Variants in TAT observed in about 807,000 individuals in gnomAD.
TAT encodes the protein tyrosine aminotransferase.
TAT carries 35 observed loss-of-function variants against 53.6 expected under a neutral mutation model. The ratio of observed to expected loss-of-function variants is 0.65; its 90% CI spans 0.50 to 0.87. The LOEUF is 0.87. Among genes scored for constraint, TAT ranks in the 40% least tolerant of loss-of-function variants. TAT has a pLI of 0.00. For missense variants in TAT, 525 were observed against 571.8 expected (o/e 0.92, Z 0.83); for synonymous variants, 197 against 206.5 (o/e 0.95, Z 0.39).
rs776182620 is a variant in TAT at position 71,567,907 on chromosome 16, T to C, written c.*237A>G. ...GAAATCTTACGAGAGGGAGGCAGAT[T>C]AATGAATTAGTGAGTCACTCTAGCA... On this transcript the variant is annotated 3_prime_UTR_variant, in exon 12 of 12. Transcript: ENST00000355962. 6.4e-5 allele frequency: 35 copies of C among 544,888 alleles called. No homozygotes were observed. Among genetic ancestry groups the C allele is most frequent in the Non-Finnish European group, 1.1e-4 (34 of 304,452 alleles). The allele number at this position is 544,888 out of a possible 1,614,324, so 33.8% of individuals were successfully genotyped here.
At chr16:71,571,799 G>C (rs1288119576) in intron 6 of TAT, 141 bp from the exon 7 acceptor site, 1 of 855,682 alleles carries the variant, frequency 1.2e-6, no homozygotes, top group Non-Finnish European at 1.9e-6. Context: ...CACAAGCAAA[G>C]TGTGATTTGC....
intron 3 of TAT, 71 bp downstream of exon 3, chr16:71,575,851 A>C: frequency 7.2e-7 from 1 of 1,384,970 alleles, no homozygotes; most frequent in South Asian, 1.2e-5. Context: ...GGATTGCTAG[A>C]CATTTAGTCC....
chr16:71,570,698 C>T lies in TAT; in HGVS notation c.893G>A (p.Arg298Lys), dbSNP rs1425542847. ...RLGWILIHDR[R>K]DIFGNEIRDG... ...TATCACCTCATTGCCAAAAATGTCTCTTCGGTCATGAATGAGGATCCAGCC... is the reference window on the plus strand; with the variant it reads ...TATCACCTCATTGCCAAAAATGTCTTTTCGGTCATGAATGAGGATCCAGCC... The change falls in exon 8 of 12, where the codon AGA (arginine) becomes AAA (lysine). Residue 298 changes from arginine (R) to lysine (K), a missense_variant. Transcript: ENST00000355962. 3 of 1,614,114 alleles carry T rather than the reference C, an allele frequency of 1.9e-6. No individual in the cohort carries two copies. Among genetic ancestry groups the T allele is most frequent in the Non-Finnish European group, 2.5e-6 (3 of 1,180,052 alleles).
At chr16:71,571,771 A>C (rs2044204837) in intron 6 of TAT, 113 bp from the exon 7 acceptor site, 11 of 1,077,856 alleles carry the variant, frequency 1.0e-5, no homozygotes, top group Non-Finnish European at 1.4e-5. Flanking sequence ...TACAATTCTT[A>C]AAGAGAAAGA....
chr16:71,575,703 C>A, intron 3 of TAT: 1 of 610,568 alleles, frequency 1.6e-6, no homozygotes, highest in Admixed American at 2.6e-5. Flanking sequence ...AGGGGAAGTG[C>A]CCATATGTCA....
rs2044235543 is a variant in TAT at position 71,576,386 on chromosome 16, G to T, written c.30C>A (p.Ser10Arg). MDPYMIQMSSKGNLPSILDV... is the reference protein window; with the variant it reads MDPYMIQMSRKGNLPSILDV... ...CCAGAATTGAGGGGAGGTTGCCTTT[G>T]CTGCTCATCTGAATCATGTATGGGT... The change falls in exon 2 of 12, where the codon AGC becomes AGA. Residue 10 changes from serine to arginine, a missense_variant. Transcript: ENST00000355962. The T allele has an allele frequency of 1.2e-6, 2 of 1,614,080 alleles. No individual in the cohort carries two copies. Among genetic ancestry groups the T allele is most frequent in the African/African-American group, 2.7e-5 (2 of 74,930 alleles).
rs544016057 is a variant in TAT, at chr16:71,576,184, T to C, written c.232A>G (p.Ile78Val). 3.0e-5 allele frequency: 48 copies of C among 1,613,956 alleles called. No homozygotes were observed. The South Asian group carries it at 4.8e-4, about 16-fold the overall frequency. Residue 78 changes from isoleucine (I) to valine (V), a missense_variant, in exon 2 of 12, where the codon ATT becomes GTT. By Grantham distance (29) the Ile-to-Val change is conservative. Transcript: ENST00000355962. ...NPNKTMISLS[I>V]GDPTVFGNLP... ...CTCAGTAGTGTCCCCAACTCACCAA[T>C]GGACAGGGAAATCATGGTTTTGTTT...
At chr16:71,572,028 T>C in intron 6 of TAT, 158 bp downstream of exon 6, 1 of 908,126 alleles carries the variant, frequency 1.1e-6, no homozygotes, top group South Asian at 1.4e-5. Context: ...AGGCCAGGCC[T>C]ACCACTCCTA....
rs372734573 is a variant in TAT, at chr16:71,576,291, G to C, written c.125C>G (p.Ser42Cys). Residue 42 changes from serine to cysteine, a missense_variant, in exon 2 of 12, where the codon TCT (serine) becomes TGT (cysteine). Transcript: ENST00000355962. ...GKMKGRKARW[S>C]VRPSDMAKKT... ...CTTGGCCATGTCTGAGGGCCTCACA[G>C]ACCACCTGGCCTTTCTGCCTTTCAT... The C allele has an allele frequency of 6.2e-7, 1 of 1,614,094 alleles. No homozygotes were observed. Among genetic ancestry groups the C allele is most frequent in the Non-Finnish European group, 8.5e-7 (1 of 1,180,052 alleles).
Position 71,572,203 on chromosome 16 carries a change from A to G in TAT, c.689T>C (p.Leu230Pro). Residue 230 changes from leucine to proline, a missense_variant, in exon 6 of 12, where the codon CTT becomes CCT. By Grantham distance (98) the Leu-to-Pro change is moderately conservative (BLOSUM62 -3). Coordinates refer to ENST00000355962, the MANE Select transcript of TAT (RefSeq NM_000353.3). ...GGACGTACCTGCCAGAATCTTCTGA[A>G]GATGACGTTTGCTGAACACTGACCC... ...PCGSVFSKRH[L>P]QKILAVAARQ... The G allele has an allele frequency of 1.2e-6, 2 of 1,614,196 alleles. No homozygotes were observed. The highest frequency in any genetic ancestry group is 1.7e-6 in the Non-Finnish European group (2 of 1,180,014).
Position 71,568,056 on chromosome 16 carries a change from A to C in TAT, c.*88T>G. ...ATGGTGCATTTGAGGCCCCTCTCCCAGTAGGGCCACCTGAGTCCCTGAGGA... is the reference window on the plus strand; with the variant it reads ...ATGGTGCATTTGAGGCCCCTCTCCCCGTAGGGCCACCTGAGTCCCTGAGGA... On this transcript the variant is annotated 3_prime_UTR_variant, in exon 12 of 12. Coordinates refer to ENST00000355962, the MANE Select transcript of TAT (RefSeq NM_000353.3). The C allele has an allele frequency of 6.4e-7, 1 of 1,557,142 alleles. No homozygotes were observed. The highest frequency in any genetic ancestry group is 8.8e-7 in the Non-Finnish European group (1 of 1,130,742).
intron 2 of TAT, 30 bp downstream of exon 2, chr16:71,576,151 G>T (rs2044233529): frequency 6.2e-7 from 1 of 1,610,666 alleles, no homozygotes; most frequent in Non-Finnish European, 8.5e-7. Context: ...GGAGGACAAT[G>T]ACAGCCCCTC....
At position 71,569,901 on chromosome 16, in the gene TAT, T is replaced by C. The variant is rs2044188581; in HGVS notation, c.1078A>G (p.Ile360Val). The C allele has an allele frequency of 1.9e-6, 3 of 1,613,962 alleles. No homozygotes were observed. The highest frequency in any genetic ancestry group is 2.5e-6 in the Non-Finnish European group (3 of 1,179,960). The change falls in exon 10 of 12, where the codon ATC (isoleucine) becomes GTC (valine). Residue 360 changes from isoleucine (I) to valine (V), a missense_variant. Ile to Val is a conservative substitution (Grantham distance 29). Transcript: ENST00000355962. ...ADLCYGALAA[I>V]PGLRPVRPSG... ...GGGCGGACTGGCCGGAGTCCAGGGATGGCAGCCAACGCCCCATAACAGAGA... is the reference window on the plus strand; with the variant it reads ...GGGCGGACTGGCCGGAGTCCAGGGACGGCAGCCAACGCCCCATAACAGAGA...
rs2044178248 is a variant in TAT, at chr16:71,568,318, A to T, written c.1225-34T>A. The T allele has an allele frequency of 8.1e-6, 13 of 1,612,736 alleles. No individual in the cohort carries two copies. The East Asian group carries it at 2.7e-4, about 33-fold the overall frequency. ...AGAAGAGTCTGTTACTTTCAGAGCA[A>T]TTGAGTCTGGTACTGGACCACCCTA... On this transcript the variant is annotated intron_variant, in intron 11 of 11. Transcript: ENST00000355962.
Position 71,567,338 on chromosome 16 carries a change from G to A in TAT, c.*806C>T, listed in dbSNP as rs919160800. 12 of 152,548 alleles carry A rather than the reference G, an allele frequency of 7.9e-5. No individual in the cohort carries two copies. Among genetic ancestry groups the A allele is most frequent in the African/African-American group, 2.9e-4 (12 of 41,590 alleles). The allele number at this position is 152,548 out of a possible 1,614,324, so 9.4% of individuals were successfully genotyped here. A position where few individuals can be genotyped will look rare whatever the true frequency, so the allele number is the denominator to read the frequency against. On this transcript the variant is annotated 3_prime_UTR_variant, in exon 12 of 12. Transcript: ENST00000355962. ...GCAAGAGAATCGCTTGAACCCAGGAGGTGGAGGTTGCAGTGAGCCGAGATC... is the reference window on the plus strand; with the variant it reads ...GCAAGAGAATCGCTTGAACCCAGGAAGTGGAGGTTGCAGTGAGCCGAGATC...
At chr16:71,573,892 G>A (rs1282405961) in intron 3 of TAT, among the ~76,000 whole-genome samples, 1 of 151,766 alleles carries the variant, frequency 6.6e-6, no homozygotes, top group Admixed American at 6.6e-5. Flanking sequence ...TGTTGCCCAG[G>A]CTGATTTCAC....
rs1009415477 is a variant in TAT, at chr16:71,565,676, T to G, written c.*2468A>C. On this transcript the variant is annotated 3_prime_UTR_variant, in exon 12 of 12. Coordinates refer to ENST00000355962, the MANE Select transcript of TAT (RefSeq NM_000353.3). ...CGCGCAGAATTACAAAGTTGAGTAA[T>G]ACTTTATTTGAAAAAATGAAAAGTG... The G allele has an allele frequency of 6.8e-6, 1 of 147,692 alleles. No individual in the cohort carries two copies. Among genetic ancestry groups the G allele is most frequent in the African/African-American group, 2.7e-5 (1 of 37,614 alleles). 9.1% of individuals were successfully genotyped at this position (147,692 alleles called of 1,614,324 possible).
Position 71,576,417 on chromosome 16 carries a change from AC to A in TAT, c.-3del. 6.2e-7 allele frequency: 1 copy of A among 1,614,088 alleles called. No homozygotes were observed. Among genetic ancestry groups the A allele is most frequent in the African/African-American group, 1.3e-5 (1 of 75,060 alleles). On this transcript the variant is annotated 5_prime_UTR_variant, in exon 2 of 12. The change creates a new upstream start codon in the 5' untranslated region. Coordinates refer to ENST00000355962, the MANE Select transcript of TAT (RefSeq NM_000353.3). ...CATCTGAATCATGTATGGGTCCATC[AC>A]TAGCGAAGCCTGCGAGGGGAAAGAA...
intron 10 of TAT, among the ~76,000 whole-genome samples, chr16:71,569,410 C>T (rs2044185036): frequency 6.6e-6 from 1 of 151,926 alleles, no homozygotes; most frequent in Non-Finnish European, 1.5e-5. Context: ...GATTATGGCT[C>T]ACTACAGCCT....
Sources: gnomAD v4.1 joint callset for allele counts (sites outside exome capture counted in the v4.1 genomes callset) on GRCh38, gnomAD v4.1.1 for gene constraint, MANE v1.5 for transcripts, NCBI Gene and HGNC (gene_info 2026-07-23, HGNC 2026-07-21) for gene names.